PDZRN4: variants seen among roughly 807,000 people sequenced by gnomAD.
PDZRN4 encodes PDZ domain containing ring finger 4.
In PDZRN4, 70 loss-of-function variants were observed where a neutral mutation model predicts 99.0. The observed-to-expected ratio is 0.71, with a 90% CI of 0.58 to 0.86. The LOEUF is 0.86. PDZRN4 is among the 40% of genes least tolerant of loss of function. PDZRN4 has a pLI of 0.00. For missense variants in PDZRN4, 1,474 were observed against 1,331.2 expected (o/e 1.11, Z -1.67); for synonymous variants, 551 against 501.6 (o/e 1.10, Z -1.32).
chr12:41,469,790 C>T (rs1368876572), intron 3 of PDZRN4, among the ~76,000 whole-genome samples: 1 of 151,926 alleles, frequency 6.6e-6, no homozygotes, highest in Non-Finnish European at 1.5e-5. Context: ...ATTAGCCGGG[C>T]GTGGTGGCGG....
chr12:41,493,645 C>T (rs1937932578), intron 3 of PDZRN4, among the ~76,000 whole-genome samples: 2 of 152,114 alleles, frequency 1.3e-5, no homozygotes, highest in Non-Finnish European at 2.9e-5. Flanking sequence ...TACAACTCTC[C>T]ATACACTCCA....
chr12:41,519,567 T>C lies in PDZRN4; in HGVS notation c.1203+9654T>C, dbSNP rs557554053. On this transcript the variant is annotated intron_variant, in intron 5 of 9. Transcript: ENST00000402685. ...TCCATCTCTTTCTTACTATGAATGA[T>C]CGTGTCACTCCTCTGCTGAAAATTC... 6.6e-4 allele frequency among the ~76,000 whole-genome samples: 100 copies of C among 152,100 alleles called. 1 individual carries two copies. Among genetic ancestry groups the C allele is most frequent in the African/African-American group, 2.4e-3 (98 of 41,522 alleles).
chr12:41,526,231 G>C (rs955475727), intron 5 of PDZRN4, among the ~76,000 whole-genome samples: 1 of 152,152 alleles, frequency 6.6e-6, no homozygotes, highest in African/African-American at 2.4e-5. Flanking sequence ...CTATGGGGAG[G>C]CTTAAGAGAG....
intron 3 of PDZRN4, among the ~76,000 whole-genome samples, chr12:41,286,974 GT>G (rs1951426590): frequency 6.6e-6 from 1 of 151,506 alleles, no homozygotes; most frequent in Non-Finnish European, 1.5e-5. Context: ...AATCAGTATC[GT>G]TTTCTTCCTT....
intron 3 of PDZRN4, among the ~76,000 whole-genome samples, chr12:41,356,272 G>A (rs929578071): frequency 2.0e-5 from 3 of 151,968 alleles, no homozygotes; most frequent in East Asian, 1.9e-4. Context: ...TTGAATTAAT[G>A]GAGATTGGAT....
Position 41,382,615 on chromosome 12 carries a change from A to G in PDZRN4, c.844-123841A>G, listed in dbSNP as rs889213517. On this transcript the variant is annotated intron_variant, in intron 3 of 9. Coordinates refer to ENST00000402685, the MANE Select transcript of PDZRN4 (RefSeq NM_001164595.2). ...ATAAGTTACTTGGCAAAGTTTACAT[A>G]TGTACTAATCAGCAATCTCTCTGCC... is the stretch of plus-strand genomic sequence containing the variant. Among the ~76,000 whole-genome samples, 9 of 152,326 alleles carry G rather than the reference A, an allele frequency of 5.9e-5. No individual in the cohort carries two copies. In the East Asian group the frequency reaches 1.5e-3, roughly 26 times the overall value.
At chr12:41,228,442 A>G (rs887626722) in intron 3 of PDZRN4, among the ~76,000 whole-genome samples, 1 of 152,140 alleles carries the variant, frequency 6.6e-6, no homozygotes, top group African/African-American at 2.4e-5. Flanking sequence ...CACCGTTAGT[A>G]TTATATGAAC....
intron 3 of PDZRN4, among the ~76,000 whole-genome samples, chr12:41,339,752 A>G (rs1328675023): frequency 6.6e-6 from 1 of 152,120 alleles, no homozygotes; most frequent in Non-Finnish European, 1.5e-5. Flanking sequence ...CCAATTTAAA[A>G]ATGGGCAAAA....
At chr12:41,316,172 C>T (rs545898221) in intron 3 of PDZRN4, among the ~76,000 whole-genome samples, 4 of 152,094 alleles carry the variant, frequency 2.6e-5, no homozygotes, top group African/African-American at 9.6e-5. Context: ...TCCTGATATT[C>T]GTACCTAGTG....
At chr12:41,416,645 G>A (rs556923780) in intron 3 of PDZRN4, among the ~76,000 whole-genome samples, 7 of 152,014 alleles carry the variant, frequency 4.6e-5, no homozygotes, top group African/African-American at 7.2e-5. Flanking sequence ...CAACAACAGC[G>A]AAACTCCATC....
chr12:41,435,865 T>C (rs1375952002), intron 3 of PDZRN4, among the ~76,000 whole-genome samples: 2 of 152,140 alleles, frequency 1.3e-5, no homozygotes, highest in East Asian at 3.9e-4. Context: ...ACTCAGCAAT[T>C]TAGAATCCTT....
chr12:41,365,434 G>C (rs1383974954), intron 3 of PDZRN4, among the ~76,000 whole-genome samples: 1 of 151,856 alleles, frequency 6.6e-6, no homozygotes, highest in African/African-American at 2.4e-5. Context: ...GATTGCAAAA[G>C]ACTCCCAACC....
At chr12:41,480,040 G>A (rs2120595517) in intron 3 of PDZRN4, among the ~76,000 whole-genome samples, 1 of 152,260 alleles carries the variant, frequency 6.6e-6, no homozygotes, top group African/African-American at 2.4e-5. Flanking sequence ...TCTGTATAAT[G>A]CTCATGAAAT....
At chr12:41,285,974 CAT>C (rs537114746) in intron 3 of PDZRN4, among the ~76,000 whole-genome samples, 128 of 151,880 alleles carry the variant, frequency 8.4e-4, no homozygotes, top group Non-Finnish European at 1.3e-3. Context: ...ACTTTCTGCA[CAT>C]GTGTCCCAGA....
intron 3 of PDZRN4, among the ~76,000 whole-genome samples, chr12:41,379,666 C>T (rs1952108797): frequency 6.6e-6 from 1 of 150,644 alleles, no homozygotes; most frequent in African/African-American, 2.4e-5. Context: ...TTTCAATTTT[C>T]TTTTATTATT....
intron 3 of PDZRN4, among the ~76,000 whole-genome samples, chr12:41,211,148 C>T (rs949326202): frequency 2.6e-5 from 4 of 151,952 alleles, no homozygotes; most frequent in Non-Finnish European, 5.9e-5. Context: ...TTTCCAGCTG[C>T]CAGAGTTGCC....
chr12:41,536,665 T>C (rs1197110974), intron 5 of PDZRN4, among the ~76,000 whole-genome samples: 2 of 151,398 alleles, frequency 1.3e-5, no homozygotes, highest in Non-Finnish European at 2.9e-5. Context: ...GAAAAGGCTA[T>C]GTATGTGTGA....
chr12:41,365,967 C>T (rs778031930), intron 3 of PDZRN4, among the ~76,000 whole-genome samples: 3 of 152,052 alleles, frequency 2.0e-5, no homozygotes, highest in Non-Finnish European at 4.4e-5. Flanking sequence ...AAGTAATAGG[C>T]CAATGAGCAA....
chr12:41,488,117 T>C (rs1309755832), intron 3 of PDZRN4, among the ~76,000 whole-genome samples: 1 of 152,202 alleles, frequency 6.6e-6, no homozygotes, highest in Non-Finnish European at 1.5e-5. Flanking sequence ...AATCCGGCAA[T>C]GTATCACTGC....
Sources: allele counts gnomAD v4.1 joint callset (sites outside exome capture counted in the v4.1 genomes callset), GRCh38; gene constraint gnomAD v4.1.1; transcripts MANE v1.5; gene names NCBI Gene and HGNC (gene_info 2026-07-23, HGNC 2026-07-21).